KIAA0753: variants seen among roughly 807,000 people sequenced by gnomAD.
KIAA0753 encodes the protein KIAA0753, also known as protein moonraker.
A neutral mutation model predicts 116.9 loss-of-function variants in KIAA0753; 114 were observed. The observed-to-expected ratio is 0.98, with a 90% confidence interval of 0.84 to 1.14. KIAA0753 has a LOEUF of 1.14. Among genes scored for constraint, KIAA0753 ranks in the 50% most tolerant of loss-of-function variants. The probability of loss-of-function intolerance (pLI) is 0.00; values close to 1 mark genes in which losing one functional copy is unlikely to be tolerated. For missense variants in KIAA0753, 1,156 were observed against 1,172.4 expected (o/e 0.99, Z 0.20); for synonymous variants, 405 against 413.1 (o/e 0.98, Z 0.24).
chr17:6,623,835 G>A (rs1465682722), intron 4 of KIAA0753: 7 of 324,524 alleles, frequency 2.2e-5, no homozygotes, highest in South Asian at 1.3e-4. Flanking sequence ...GAAGGTGGAG[G>A]TGACTCTGGA....
At chr17:6,600,250 G>T in intron 13 of KIAA0753, 130 bp downstream of exon 13, 3 of 703,182 alleles carry the variant, frequency 4.3e-6, no homozygotes, top group Non-Finnish European at 7.6e-6. Context: ...GTGTGTGGTG[G>T]TCTGGGGGTA....
chr17:6,606,501 A>T (rs937698979), intron 12 of KIAA0753, among the ~76,000 whole-genome samples: 7 of 152,232 alleles, frequency 4.6e-5, no homozygotes, highest in African/African-American at 1.7e-4. Flanking sequence ...TACGAAACTA[A>T]AGTAGCTATA....
chr17:6,583,442 T>C (rs1190447465), intron 18 of KIAA0753, among the ~76,000 whole-genome samples: 1 of 152,190 alleles, frequency 6.6e-6, no homozygotes, highest in African/African-American at 2.4e-5. Flanking sequence ...ATGTTGTTTG[T>C]GACTCGTTTT....
chr17:6,634,498 T>G (rs1972192136), intron 2 of KIAA0753, among the ~76,000 whole-genome samples: 1 of 152,280 alleles, frequency 6.6e-6, no homozygotes, highest in East Asian at 1.9e-4. Context: ...AAAAATAAGA[T>G]GGATTGATGG....
In KIAA0753 at chr17:6,620,946, C is replaced by T; in HGVS notation, c.1157G>A (p.Cys386Tyr). The T allele has an allele frequency of 1.9e-6, 3 of 1,614,066 alleles. No homozygotes were observed. Among genetic ancestry groups the T allele is most frequent in the African/African-American group, 2.7e-5 (2 of 75,040 alleles). ...KKLSPKKVKK[C>Y]FSEIRSRFPI... ...AAATCTGCTCCGAATTTCACTGAAA[C>T]ATTTTTTCACCTTTTTTGGTGACAG... is the stretch of plus-strand genomic sequence containing the variant. Residue 386 changes from cysteine to tyrosine, a missense_variant, in exon 7 of 19, where the codon TGT (cysteine) becomes TAT (tyrosine). Cys to Tyr is a radical substitution (Grantham distance 194). Coordinates refer to ENST00000361413, the MANE Select transcript of KIAA0753 (RefSeq NM_014804.3).
rs1430305494 is a variant in KIAA0753 at position 6,610,167 on chromosome 17, G to C, written c.1546-7C>G. 1 of 1,613,858 alleles carries C rather than the reference G, an allele frequency of 6.2e-7. No homozygotes were observed. Among genetic ancestry groups the C allele is most frequent in the East Asian group, 2.2e-5 (1 of 44,882 alleles). On this transcript the variant is annotated splice_polypyrimidine_tract_variant and splice_region_variant and intron_variant, in intron 8 of 18. Coordinates refer to ENST00000361413, the MANE Select transcript of KIAA0753 (RefSeq NM_014804.3). ...TTTCAGCTTTGCGGAGTCCCTGTGA[G>C]AGATAAGTAAGAATTATAAGGCCAC... is the stretch of plus-strand genomic sequence containing the variant.
Position 6,624,875 on chromosome 17 carries a change from T to C in KIAA0753, c.719-14A>G, listed in dbSNP as rs760265740. 1.1e-5 allele frequency: 16 copies of C among 1,507,436 alleles called. No homozygotes were observed. The highest frequency in any genetic ancestry group is 7.2e-5 in the South Asian group (6 of 83,256). The allele number at this position is 1,507,436 out of a possible 1,614,324, so 93.4% of individuals were successfully genotyped here. A position where few individuals can be genotyped will look rare whatever the true frequency, so the allele number is the denominator to read the frequency against. On this transcript the variant is annotated splice_polypyrimidine_tract_variant and intron_variant, in intron 3 of 18. Transcript: ENST00000361413. ...CTTCTAGTCTATCTGAAAATATTAATAGTTTTCCCCAAAAGTGGATTATAA... is the reference window on the plus strand; with the variant it reads ...CTTCTAGTCTATCTGAAAATATTAACAGTTTTCCCCAAAAGTGGATTATAA...
chr17:6,592,156 C>T (rs2150756715), intron 16 of KIAA0753, among the ~76,000 whole-genome samples: 2 of 152,280 alleles, frequency 1.3e-5, no homozygotes, highest in Middle Eastern at 3.4e-3. Context: ...GAAGAGAGAA[C>T]AACAGTAGCA....
intron 8 of KIAA0753, among the ~76,000 whole-genome samples, chr17:6,610,856 G>A (rs1970495002): frequency 6.6e-6 from 1 of 152,136 alleles, no homozygotes; most frequent in South Asian, 2.1e-4. Context: ...CGAGAATGCG[G>A]GCTGTCTGTG....
At position 6,607,391 on chromosome 17, in the gene KIAA0753, A is replaced by T; in HGVS notation, c.1830-121T>A. On this transcript the variant is annotated intron_variant, in intron 10 of 18. Transcript: ENST00000361413. ...CAGAGCACCAATCCAGGCTCTATTA[A>T]GCTACTCAGTAGGTAACATAATCTC... 8.2e-6 allele frequency: 6 copies of T among 735,116 alleles called. No homozygotes were observed. In the South Asian group the frequency reaches 9.4e-5, roughly 11 times the overall value. The allele number at this position is 735,116 out of a possible 1,614,324, so 45.5% of individuals were successfully genotyped here.
chr17:6,590,362 G>A, intron 17 of KIAA0753, 148 bp downstream of exon 17: 2 of 840,968 alleles, frequency 2.4e-6, no homozygotes, highest in Non-Finnish European at 3.7e-6. Context: ...TTGTAAACAT[G>A]CTATTTACTC....
chr17:6,626,736 C>A (rs147881669), intron 3 of KIAA0753, among the ~76,000 whole-genome samples: 67 of 152,262 alleles, frequency 4.4e-4, no homozygotes, highest in African/African-American at 1.5e-3. Flanking sequence ...AGCAGTTTGC[C>A]GCTACTGTGA....
At chr17:6,611,845 C>CAT in intron 8 of KIAA0753, 74 bp downstream of exon 8, 3 of 1,233,038 alleles carry the variant, frequency 2.4e-6, no homozygotes, top group East Asian at 4.6e-5. Flanking sequence ...CTGGCTCCAC[C>CAT]ATATACCAGT....
chr17:6,631,475 A>C (rs886855621), intron 2 of KIAA0753, among the ~76,000 whole-genome samples: 3 of 152,222 alleles, frequency 2.0e-5, no homozygotes, highest in Non-Finnish European at 4.4e-5. Flanking sequence ...GGAGTTGGAA[A>C]TATGTAGTGT....
Position 6,607,290 on chromosome 17 carries a change from G to A in KIAA0753, c.1830-20C>T. 6.2e-7 allele frequency: 1 copy of A among 1,607,482 alleles called. No homozygotes were observed. Among genetic ancestry groups the A allele is most frequent in the African/African-American group, 1.3e-5 (1 of 74,898 alleles). ...GCGAGCCTAGCAGACAGTCAAAAGAGTCAAACCAATTCTGCCTCGACACTG... is the reference window on the plus strand; with the variant it reads ...GCGAGCCTAGCAGACAGTCAAAAGAATCAAACCAATTCTGCCTCGACACTG... On this transcript the variant is annotated intron_variant, in intron 10 of 18. Coordinates refer to ENST00000361413, the MANE Select transcript of KIAA0753 (RefSeq NM_014804.3).
chr17:6,595,093 A>G (rs1969370599), intron 15 of KIAA0753, 40 bp from the exon 16 acceptor site: 3 of 1,411,608 alleles, frequency 2.1e-6, no homozygotes, highest in Non-Finnish European at 3.0e-6. Flanking sequence ...ATGAGAAAAA[A>G]TGAGTTTAAT....
chr17:6,606,988 C>T (rs1970237441), intron 11 of KIAA0753, 26 bp from the exon 12 acceptor site: 3 of 1,602,720 alleles, frequency 1.9e-6, no homozygotes, highest in Admixed American at 3.3e-5. Flanking sequence ...AAGAGTCACC[C>T]CAACTCTCCT....
intron 16 of KIAA0753, among the ~76,000 whole-genome samples, chr17:6,593,537 C>T (rs1969240900): frequency 6.6e-6 from 1 of 151,960 alleles, no homozygotes; most frequent in South Asian, 2.1e-4. Context: ...CAATGGCTCA[C>T]ACCTGGAATC....
intron 12 of KIAA0753, among the ~76,000 whole-genome samples, chr17:6,603,627 T>C (rs1197684851): frequency 6.6e-6 from 1 of 152,126 alleles, no homozygotes; most frequent in African/African-American, 2.4e-5. Context: ...GCACATCACC[T>C]AGGGACACTG....
Sources: gnomAD v4.1 joint callset for allele counts (sites outside exome capture counted in the v4.1 genomes callset) on GRCh38, gnomAD v4.1.1 for gene constraint, MANE v1.5 for transcripts, NCBI Gene and HGNC (gene_info 2026-07-23, HGNC 2026-07-21) for gene names.